TMEM184B: variants seen among roughly 807,000 people sequenced by gnomAD.
TMEM184B encodes the protein putative MAPK-activating protein FM08.
Under a neutral mutation model 41.8 loss-of-function variants are expected in TMEM184B, and 17 were observed. That is an observed-to-expected ratio of 0.41 (90% confidence interval 0.28 to 0.61). The LOEUF is 0.61. Among genes scored for constraint, TMEM184B ranks in the 20% least tolerant of loss-of-function variants. The pLI, the probability that TMEM184B is intolerant of heterozygous loss-of-function variation, is 0.34. For missense variants in TMEM184B, 393 were observed against 557.8 expected, an observed-to-expected ratio of 0.70 and a Z score of 2.98; for synonymous variants, 240 against 229.5, an observed-to-expected ratio of 1.05 and a Z score of -0.41.
At chr22:38,218,580 T>C (rs116296035), downstream of TMEM184B, among the ~76,000 whole-genome samples, 347 of 152,102 alleles carry the variant, frequency 2.3e-3, 1 homozygote, top group African/African-American at 8.0e-3. Context: ...AGGTGCAGGA[T>C]TTGAGTCCGG....
chr22:38,218,419 G>A (rs562409561), downstream of TMEM184B, among the ~76,000 whole-genome samples: 39 of 152,218 alleles, frequency 2.6e-4, no homozygotes, highest in African/African-American at 7.7e-4. Context: ...GGGGCATTAC[G>A]TGCGAAAAAC....
intron 3 of TMEM184B, chr22:38,231,540 C>T (rs959172102): frequency 3.5e-5 from 24 of 691,304 alleles, no homozygotes; most frequent in Admixed American, 1.4e-4. Context: ...CCCGGCACAC[C>T]TAAATTATCT....
At chr22:38,224,355 C>G (rs2091360395) in intron 8 of TMEM184B, among the ~76,000 whole-genome samples, 1 of 152,206 alleles carries the variant, frequency 6.6e-6, no homozygotes. Flanking sequence ...ACCTTGTGAT[C>G]CACCCGCCTC....
intron 3 of TMEM184B, chr22:38,232,330 A>T (rs2091653531): frequency 6.6e-6 from 1 of 152,196 alleles, no homozygotes; most frequent in Non-Finnish European, 1.5e-5. Context: ...GTCTGCTGTA[A>T]ATGTTGATGC....
At chr22:38,267,031 C>T (rs1305502883) in intron 1 of TMEM184B, among the ~76,000 whole-genome samples, 3 of 150,748 alleles carry the variant, frequency 2.0e-5, no homozygotes, top group African/African-American at 2.4e-5. Flanking sequence ...TGCAGTGAGC[C>T]GAAATCGCAC....
chr22:38,257,266 C>T lies in TMEM184B; in HGVS notation c.-58-9247G>A, dbSNP rs564943255. 1.9e-4 allele frequency among the ~76,000 whole-genome samples: 29 copies of T among 152,134 alleles called. No homozygotes were observed. The South Asian group carries it at 5.0e-3, about 26-fold the overall frequency. On this transcript the variant is annotated intron_variant, in intron 1 of 8. Coordinates refer to ENST00000361906, the MANE Select transcript of TMEM184B (RefSeq NM_012264.5). ...AAAGCATTTTAGTGGGTTTTGGACT[C>T]GCTTGTTAAGAATTTTAAAATAAAA...
intron 3 of TMEM184B, among the ~76,000 whole-genome samples, chr22:38,233,393 G>GT (rs777151473): frequency 1.3e-5 from 2 of 152,204 alleles, no homozygotes; most frequent in Admixed American, 6.5e-5. Flanking sequence ...GCTGTGAGGC[G>GT]TGAGCATGAA....
At chr22:38,266,505 C>T (rs745321214) in intron 1 of TMEM184B, among the ~76,000 whole-genome samples, 8 of 152,202 alleles carry the variant, frequency 5.3e-5, no homozygotes, top group African/African-American at 1.7e-4. Context: ...TGCAACGGTG[C>T]CGTCCAGCTA....
Position 38,239,992 on chromosome 22 carries a change from T to C in TMEM184B, c.358+5943A>G, listed in dbSNP as rs1291355648. 1.3e-5 allele frequency among the ~76,000 whole-genome samples: 2 copies of C among 152,044 alleles called. No homozygotes were observed. The highest frequency in any genetic ancestry group is 2.9e-5 in the Non-Finnish European group (2 of 67,996). On this transcript the variant is annotated intron_variant, in intron 3 of 8. Transcript: ENST00000361906. This position sits in a 1 kb window ranked among gnomAD's most constrained non-coding sequence, Gnocchi z 4.6. Reference sequence around the variant, plus strand: ...GAGATGAGGTCGAGGTCTCGCTCAGTTGCCCAGGCTGGAGTGCAGTGGCAC... The same window carrying C: ...GAGATGAGGTCGAGGTCTCGCTCAGCTGCCCAGGCTGGAGTGCAGTGGCAC...
chr22:38,240,732 CAAAAAAAAAAAA>C (rs550793359), intron 3 of TMEM184B, among the ~76,000 whole-genome samples: 18,962 of 67,530 alleles, frequency 0.28, 1,668 homozygotes, highest in Middle Eastern at 0.49. Context: ...GAAAAAAAGG[CAAAAAAAAAAAA>C]AAAAAAAAAA....
rs1029118191 is a variant in TMEM184B at position 38,244,676 on chromosome 22, G to A, written c.358+1259C>T. On this transcript the variant is annotated intron_variant, in intron 3 of 8. Transcript: ENST00000361906. ...TCTCCATGTTGGTCAGGCTGGTCTCGAACTCCCGACTTCAGGTGATCTGCC... is the reference window on the plus strand; with the variant it reads ...TCTCCATGTTGGTCAGGCTGGTCTCAAACTCCCGACTTCAGGTGATCTGCC... 7.9e-5 allele frequency among the ~76,000 whole-genome samples: 12 copies of A among 152,118 alleles called. No homozygotes were observed. In the East Asian group the frequency reaches 1.9e-3, roughly 24 times the overall value.
intron 1 of TMEM184B, among the ~76,000 whole-genome samples, chr22:38,270,465 T>C (rs1442183318): frequency 6.6e-6 from 1 of 152,246 alleles, no homozygotes; most frequent in Non-Finnish European, 1.5e-5. Flanking sequence ...CCTATTGTCC[T>C]CTGGGCCCCT....
intron 1 of TMEM184B, among the ~76,000 whole-genome samples, chr22:38,263,963 C>T (rs1382548032): frequency 6.6e-6 from 1 of 152,132 alleles, no homozygotes; most frequent in Non-Finnish European, 1.5e-5. Context: ...TGTCACCACG[C>T]TGGGCTAATT....
At chr22:38,255,722 C>A (rs1227455258) in intron 1 of TMEM184B, among the ~76,000 whole-genome samples, 1 of 152,192 alleles carries the variant, frequency 6.6e-6, no homozygotes, top group East Asian at 1.9e-4. Flanking sequence ...CTGATACACA[C>A]AAGTGATCTG....
chr22:38,234,071 C>T (rs750858631), intron 3 of TMEM184B, among the ~76,000 whole-genome samples: 40 of 42,940 alleles, frequency 9.3e-4, no homozygotes, highest in Non-Finnish European at 1.4e-3. Context: ...GCCCGGCCGA[C>T]GGTTGCATTT....
At chr22:38,270,850 G>A (rs1477201287) in intron 1 of TMEM184B, among the ~76,000 whole-genome samples, 1 of 152,216 alleles carries the variant, frequency 6.6e-6, no homozygotes, top group East Asian at 1.9e-4. Context: ...CCTTCTCAGG[G>A]TGAGGGACTG....
At position 38,219,511 on chromosome 22, in the gene TMEM184B, C is replaced by G. The variant is rs545630089; in HGVS notation, c.*1958G>C. 188 of 985,490 alleles carry G rather than the reference C, an allele frequency of 1.9e-4. 1 individual carries two copies. Among genetic ancestry groups the G allele is most frequent in the South Asian group, 1.1e-3 (23 of 21,280 alleles). 61.0% of individuals were successfully genotyped at this position (985,490 alleles called of 1,614,324 possible). On this transcript the variant is annotated 3_prime_UTR_variant, in exon 9 of 9. Transcript: ENST00000361906. ...TATTCTTTATGTACAAAGAGCTACT[C>G]TACCTGGAAAGAAAATTAAAAAAAA...
At chr22:38,250,513 C>A (rs2092139419) in intron 1 of TMEM184B, among the ~76,000 whole-genome samples, 1 of 152,232 alleles carries the variant, frequency 6.6e-6, no homozygotes, top group Non-Finnish European at 1.5e-5. Flanking sequence ...CCAAGAATAG[C>A]TCCTGTAAGT....
In TMEM184B at chr22:38,225,640, A is replaced by G. The variant is rs764699167; in HGVS notation, c.618-47T>C. 1 of 1,563,566 alleles carries G rather than the reference A, an allele frequency of 6.4e-7. No homozygotes were observed. Among genetic ancestry groups the G allele is most frequent in the South Asian group, 1.2e-5 (1 of 84,466 alleles). The stretch of plus-strand genomic sequence containing the variant: ...CTGGCTGGGACAGACCCTTGGAGGG[A>G]AGGGGCTCTCCTCGACTGCACCACA... On this transcript the variant is annotated intron_variant, in intron 6 of 8. Transcript: ENST00000361906. The surrounding 1 kb of genome is among the most constrained non-coding windows in gnomAD (Gnocchi z 4.4).
Sources: gnomAD v4.1 joint callset for allele counts (sites outside exome capture counted in the v4.1 genomes callset) on GRCh38, gnomAD v4.1.1 for gene constraint, Gnocchi (gnomAD v3.1) non-coding constraint, MANE v1.5 for transcripts, NCBI Gene and HGNC (gene_info 2026-07-23, HGNC 2026-07-21) for gene names.